RIBC1: variants seen among roughly 807,000 people sequenced by gnomAD.
The protein encoded by RIBC1 is RIB43A domain with coiled-coils 1.
A neutral mutation model predicts 33.7 loss-of-function variants in RIBC1; 12 were observed. The observed-to-expected ratio is 0.36, with a 90% CI of 0.23 to 0.58. The LOEUF (loss-of-function observed/expected upper bound fraction) is 0.58. Ranked by LOEUF, RIBC1 falls within the 20% of genes least tolerant of loss-of-function variation. The pLI is 0.81. For missense variants in RIBC1, 242 were observed against 311.6 expected (o/e 0.78, Z 1.68); for synonymous variants, 89 against 109.0 (o/e 0.82, Z 1.14).
chrX:53,427,135 A>C (rs1240552241), intron 3 of RIBC1, among the ~76,000 whole-genome samples: 2 of 112,780 alleles, frequency 1.8e-5, no homozygotes, highest in Non-Finnish European at 3.7e-5. Flanking sequence ...TTATAATAAA[A>C]GAGAAAATAT....
chrX:53,426,158 G>A, intron 2 of RIBC1, 119 bp from the exon 3 acceptor site: 1 of 500,160 alleles, frequency 2.0e-6, no homozygotes, highest in South Asian at 3.1e-5. Flanking sequence ...ATATCAGGAA[G>A]TAAAATCAGT....
chrX:53,430,439 A>C lies in RIBC1; in HGVS notation c.707A>C (p.Glu236Ala), dbSNP rs782758029. The change falls in exon 7 of 8, where the codon GAA (glutamate) becomes GCA (alanine). Residue 236 changes from glutamate (E) to alanine (A), a missense_variant. Transcript: ENST00000375327. ...AGRQRCERQR[E>A]QKANLAEIQH... ...CGTCAGCGCTGTGAGCGTCAGCGTG[A>C]ACAGAAGGCCAACCTTGCGGAGATC... 1 of 1,211,480 alleles carries C rather than the reference A, an allele frequency of 8.3e-7. No homozygotes were observed. Among genetic ancestry groups the C allele is most frequent in the Non-Finnish European group, 1.1e-6 (1 of 895,276 alleles).
chrX:53,430,392 C>A lies in RIBC1; in HGVS notation c.664-4C>A. The A allele has an allele frequency of 8.3e-7, 1 of 1,202,823 alleles. No homozygotes were observed. Among genetic ancestry groups the A allele is most frequent in the Non-Finnish European group, 1.1e-6 (1 of 889,213 alleles). On this transcript the variant is annotated splice_polypyrimidine_tract_variant and splice_region_variant and intron_variant, in intron 6 of 7. Transcript: ENST00000375327. ...CAAATGTTTGCATTTGGGGGCTCCA[C>A]CAGGCAGCTGTGCAGGCTGGGCGTC...
chrX:53,424,053 G>T (rs2075777058), intron 2 of RIBC1, among the ~76,000 whole-genome samples: 1 of 110,639 alleles, frequency 9.0e-6, no homozygotes, highest in African/African-American at 3.3e-5. Context: ...CAGCCTAGGT[G>T]ACAGAGCAAT....
intron 1 of RIBC1, 80 bp downstream of exon 1, chrX:53,423,084 G>C (rs2075769964): frequency 5.6e-6 from 1 of 177,193 alleles, no homozygotes; most frequent in Admixed American, 7.3e-5. Context: ...GAAGGACCCG[G>C]GGGGAGCGGA....
intron 5 of RIBC1, 84 bp downstream of exon 5, chrX:53,428,711 G>C: frequency 8.6e-7 from 1 of 1,168,617 alleles, no homozygotes; most frequent in South Asian, 2.0e-5. Context: ...CAGGGGACCA[G>C]AACTGTGTGG....
At chrX:53,430,336 C>A in intron 6 of RIBC1, 60 bp from the exon 7 acceptor site, 1 of 984,290 alleles carries the variant, frequency 1.0e-6, no homozygotes, top group Non-Finnish European at 1.4e-6. Context: ...TCCCCCCTCC[C>A]CTGTGACAGA....
rs1406750872 is a variant in RIBC1 at position 53,426,390 on chromosome X, G to T, written c.114G>T (p.Met38Ile). 2.6e-6 allele frequency: 3 copies of T among 1,145,554 alleles called. No individual in the cohort carries two copies. Among genetic ancestry groups the T allele is most frequent in the Non-Finnish European group, 3.6e-6 (3 of 840,717 alleles). The allele number at this position is 1,145,554 out of a possible 1,213,427, so 94.4% of individuals were successfully genotyped here. A position where few individuals can be genotyped will look rare whatever the true frequency, so the allele number is the denominator to read the frequency against. ...TCTTCAATGTGCGGAACCGAGTCAT[G>T]GGGGTGAGTGGGTAGTAGGGACTGT... ...NRFFNVRNRV[M>I]GVDVQALNNQ... Residue 38 changes from methionine to isoleucine, a missense_variant, in exon 3 of 8, where the codon ATG (methionine) becomes ATT (isoleucine). Physicochemically the swap from Met to Ile is conservative, Grantham distance 10 (BLOSUM62 1). Coordinates refer to ENST00000375327, the MANE Select transcript of RIBC1 (RefSeq NM_001031745.5).
rs782579567 is a variant in RIBC1, at chrX:53,428,406, G to T, written c.323G>T (p.Gly108Val). Reference protein sequence around the residue: ...FREQKQQLKNGREFSLWDPGQ... With the variant: ...FREQKQQLKNVREFSLWDPGQ... ...GAGCAGAAGCAGCAGCTCAAGAACG[G>T]GCGTGAATTTAGTCTTTGGGATCCA... Residue 108 changes from glycine to valine, a missense_variant, in exon 5 of 8, where the codon GGG becomes GTG. Physicochemically the swap from Gly to Val is moderately radical, Grantham distance 109. Coordinates refer to ENST00000375327, the MANE Select transcript of RIBC1 (RefSeq NM_001031745.5). 8.3e-7 allele frequency: 1 copy of T among 1,211,290 alleles called. No individual in the cohort carries two copies. The highest frequency in any genetic ancestry group is 2.2e-5 in the Admixed American group (1 of 46,006).
chrX:53,425,849 A>G (rs1380796482), intron 2 of RIBC1, among the ~76,000 whole-genome samples: 4 of 112,504 alleles, frequency 3.6e-5, no homozygotes, highest in Non-Finnish European at 7.5e-5. Flanking sequence ...GAGGCTTAGA[A>G]AGGTGAGCAG....
intron 5 of RIBC1, 80 bp from the exon 6 acceptor site, chrX:53,429,774 C>T: frequency 3.5e-6 from 4 of 1,143,389 alleles, no homozygotes; most frequent in East Asian, 3.0e-5. Context: ...AAACACAAAA[C>T]TTGCTGAACA....
chrX:53,423,856 A>G (rs1337306754), intron 2 of RIBC1, among the ~76,000 whole-genome samples: 1 of 111,738 alleles, frequency 8.9e-6, no homozygotes, highest in Non-Finnish European at 1.9e-5. Context: ...AGGCAGGAGG[A>G]TCACTTGAGA....
At position 53,423,420 on chromosome X, in the gene RIBC1, C is replaced by G. The variant is rs1021891055; in HGVS notation, c.-1+18C>G. The G allele has an allele frequency of 8.9e-6, 1 of 112,037 alleles. No individual in the cohort carries two copies. The highest frequency in any genetic ancestry group is 3.3e-5 in the African/African-American group (1 of 30,519). The allele number at this position is 112,037 out of a possible 1,213,427, so 9.2% of individuals were successfully genotyped here. ...TGAGAAAGGTATTTTGTGTGAACCC[C>G]CAGGAGTCAGGGTCCCTAAGCCAGC... is the stretch of plus-strand genomic sequence containing the variant. On this transcript the variant is annotated intron_variant, in intron 2 of 7. Coordinates refer to ENST00000375327, the MANE Select transcript of RIBC1 (RefSeq NM_001031745.5).
chrX:53,430,535 G>A lies in RIBC1; in HGVS notation c.803G>A (p.Arg268Gln), dbSNP rs375138419. The A allele has an allele frequency of 2.0e-5, 24 of 1,206,941 alleles. No individual in the cohort carries two copies. The highest frequency in any genetic ancestry group is 1.6e-4 in the South Asian group (9 of 56,282). Residue 268 changes from arginine to glutamine, a missense_variant, in exon 7 of 8, where the codon CGG becomes CAG. Coordinates refer to ENST00000375327, the MANE Select transcript of RIBC1 (RefSeq NM_001031745.5). ...QVAQHPMAPY[R>Q]VLPYCWKGMT... ...GCCCAACACCCTATGGCTCCCTACC[G>A]GGTCCTGCCCTATTGCTGGAAGGGC...
In RIBC1 at chrX:53,430,402, G is replaced by C; in HGVS notation, c.670G>C (p.Val224Leu). 1 of 1,207,814 alleles carries C rather than the reference G, an allele frequency of 8.3e-7. No homozygotes were observed. The highest frequency in any genetic ancestry group is 1.1e-6 in the Non-Finnish European group (1 of 892,475). The change falls in exon 7 of 8, where the codon GTG becomes CTG. Residue 224 changes from valine to leucine, a missense_variant. Val to Leu is a conservative substitution (Grantham distance 32, BLOSUM62 1). Coordinates refer to ENST00000375327, the MANE Select transcript of RIBC1 (RefSeq NM_001031745.5). ...CATTTGGGGGCTCCACCAGGCAGCT[G>C]TGCAGGCTGGGCGTCAGCGCTGTGA... ...MANANKAQAA[V>L]QAGRQRCERQ...
chrX:53,425,546 G>T lies in RIBC1; in HGVS notation c.1-731G>T, dbSNP rs868928123. On this transcript the variant is annotated intron_variant, in intron 2 of 7. Coordinates refer to ENST00000375327, the MANE Select transcript of RIBC1 (RefSeq NM_001031745.5). ...AAAAAAAAAAAAAAAAAAAAAGGGTGGGGGGACATATATTTCAGAAAAGAA... is the reference window on the plus strand; with the variant it reads ...AAAAAAAAAAAAAAAAAAAAAGGGTTGGGGGACATATATTTCAGAAAAGAA... Among the ~76,000 whole-genome samples the T allele has an allele frequency of 2.4e-4, 26 of 106,172 alleles. 1 individual carries two copies. Among genetic ancestry groups the T allele is most frequent in the Non-Finnish European group, 5.8e-5 (3 of 51,512 alleles). 92.2% of individuals were successfully genotyped at this position (106,172 alleles called of 115,157 possible).
intron 2 of RIBC1, among the ~76,000 whole-genome samples, chrX:53,423,807 G>A (rs1238829598): frequency 1.8e-5 from 2 of 112,141 alleles, no homozygotes; most frequent in African/African-American, 6.5e-5. Context: ...TGGGCATGGT[G>A]GCTGACAACT....
chrX:53,427,397 T>C (rs993153481), intron 3 of RIBC1, among the ~76,000 whole-genome samples: 3 of 111,980 alleles, frequency 2.7e-5, no homozygotes, highest in Non-Finnish European at 5.6e-5. Context: ...CGTAAGAAGT[T>C]GGCTAGGGTA....
intron 1 of RIBC1, 117 bp from the exon 2 acceptor site, chrX:53,423,180 GGGACGGGTTGCGAAGGC>G (rs782606999): frequency 5.7e-5 from 8 of 141,053 alleles, no homozygotes; most frequent in Non-Finnish European, 1.1e-4. Flanking sequence ...GATTGGTGGC[GGGACGGGTTGCGAAGGC>G]GGACGGGTTG....
Sources: allele counts gnomAD v4.1 joint callset (sites outside exome capture counted in the v4.1 genomes callset), GRCh38; gene constraint gnomAD v4.1.1; transcripts MANE v1.5; gene names NCBI Gene and HGNC (gene_info 2026-07-23, HGNC 2026-07-21).